The following DOK7 variants were observed in gnomAD, a reference collection of about 807,000 sequenced individuals.
DOK7 encodes the protein protein Dok-7.
In DOK7, 32 loss-of-function variants were observed where a neutral mutation model predicts 30.7. That is an observed-to-expected ratio of 1.04 (90% CI 0.79 to 1.40). The LOEUF is 1.40. Among genes scored for constraint, DOK7 ranks in the 40% most tolerant of loss-of-function variants. DOK7 has a pLI of 0.00. For missense variants in DOK7, 1,007 were observed against 699.2 expected (o/e 1.44, Z -4.97); for synonymous variants, 447 against 324.1 (o/e 1.38, Z -4.07).
At chr4:3,476,666 G>A (rs946701004) in intron 4 of DOK7, 124 bp downstream of exon 4, 23 of 1,258,768 alleles carry the variant, frequency 1.8e-5, no homozygotes, top group East Asian at 9.8e-5. Context: ...AGAATGCGCC[G>A]GCAGGTGGAC....
intron 4 of DOK7, 109 bp from the exon 5 acceptor site, chr4:3,485,430 T>G: frequency 7.4e-7 from 1 of 1,350,636 alleles, no homozygotes. Flanking sequence ...AGGCAGGGTG[T>G]CATTGTCGGC....
downstream of DOK7, among the ~76,000 whole-genome samples, chr4:3,496,430 T>C (rs1448475995): frequency 6.6e-6 from 1 of 152,376 alleles, no homozygotes; most frequent in Non-Finnish European, 1.5e-5. Context: ...CGCTCAGCTC[T>C]GAGGTCGGAG....
At position 3,493,124 on chromosome 4, in the gene DOK7, G is replaced by A. The variant is rs760412846; in HGVS notation, c.1138G>A (p.Ala380Thr). The A allele has an allele frequency of 1.9e-6, 3 of 1,592,102 alleles. No individual in the cohort carries two copies. Among genetic ancestry groups the A allele is most frequent in the Non-Finnish European group, 2.6e-6 (3 of 1,172,416 alleles). Residue 380 changes from alanine (A) to threonine (T), a missense_variant, in exon 7 of 7, where the codon GCC becomes ACC. Coordinates refer to ENST00000340083, the MANE Select transcript of DOK7 (RefSeq NM_173660.5). ...GSLLSLPAAG[A>T]PEPSLCTCLP... ...ACTGCTCAGCCTGCCAGCAGCGGGG[G>A]CCCCCGAGCCCAGCCTGTGCACCTG...
chr4:3,486,079 C>G (rs544278077), intron 5 of DOK7, among the ~76,000 whole-genome samples: 35 of 152,086 alleles, frequency 2.3e-4, no homozygotes, highest in African/African-American at 7.7e-4. Context: ...GGGGTCGGGA[C>G]TGGCTCTGCC....
At chr4:3,471,933 C>A (rs879251834) in intron 2 of DOK7, among the ~76,000 whole-genome samples, 1 of 152,282 alleles carries the variant, frequency 6.6e-6, no homozygotes, top group Admixed American at 6.5e-5. Context: ...GCCCACACCA[C>A]GCCTTGCTTT....
intron 2 of DOK7, among the ~76,000 whole-genome samples, chr4:3,471,264 G>A (rs1313410702): frequency 3.3e-5 from 5 of 152,216 alleles, no homozygotes; most frequent in Non-Finnish European, 5.9e-5. Context: ...TGGTCCTTAC[G>A]GCATTGCTGC....
intron 5 of DOK7, among the ~76,000 whole-genome samples, chr4:3,486,430 G>A (rs1255924019): frequency 6.6e-6 from 1 of 152,246 alleles, no homozygotes; most frequent in Non-Finnish European, 1.5e-5. Context: ...AAGCTCACAT[G>A]TGGCGCCTCC....
At chr4:3,500,526 C>A (rs970375253) in intron 7 of DOK7, 47 of 1,467,452 alleles carry the variant, frequency 3.2e-5, no homozygotes, top group Non-Finnish European at 4.0e-5. Context: ...AGCCTCCCCC[C>A]AGGAGGCAAA....
chr4:3,489,872 ATG>A (rs1398369008), intron 6 of DOK7, 76 bp downstream of exon 6: 2 of 1,528,830 alleles, frequency 1.3e-6, no homozygotes, highest in African/African-American at 2.8e-5. Context: ...GCATCCATGC[ATG>A]TGTGGGGGCT....
intron 2 of DOK7, among the ~76,000 whole-genome samples, chr4:3,468,796 GTC>G (rs1324484007): frequency 2.1e-5 from 3 of 139,636 alleles, no homozygotes; most frequent in South Asian, 2.2e-4. Context: ...GATCATGTAT[GTC>G]TGTGTGTGCC....
At chr4:3,485,787 C>T in intron 5 of DOK7, 129 bp downstream of exon 5, 1 of 1,315,830 alleles carries the variant, frequency 7.6e-7, no homozygotes, top group Non-Finnish European at 9.8e-7. Context: ...AGCTAAGGAA[C>T]CAGAACCTTT....
At chr4:3,467,886 T>G (rs1726401280) in intron 2 of DOK7, among the ~76,000 whole-genome samples, 1 of 152,152 alleles carries the variant, frequency 6.6e-6, no homozygotes, top group Non-Finnish European at 1.5e-5. Flanking sequence ...TTATATGGTG[T>G]AGGGGGAGGA....
intron 4 of DOK7, among the ~76,000 whole-genome samples, chr4:3,479,882 G>A (rs1031588948): frequency 1.3e-5 from 2 of 152,338 alleles, no homozygotes; most frequent in Non-Finnish European, 1.5e-5. Flanking sequence ...GGCCTGTAGT[G>A]TGGACTCCTG....
At chr4:3,479,663 C>T (rs1467101648) in intron 4 of DOK7, among the ~76,000 whole-genome samples, 2 of 152,204 alleles carry the variant, frequency 1.3e-5, no homozygotes, top group African/African-American at 4.8e-5. Flanking sequence ...GATGGCTGCG[C>T]CTCACTCATC....
At position 3,489,936 on chromosome 4, in the gene DOK7, T is replaced by C. The variant is rs1728093532; in HGVS notation, c.772+140T>C. 50 of 1,360,964 alleles carry C rather than the reference T, an allele frequency of 3.7e-5. 1 individual carries two copies. The South Asian group carries it at 7.0e-4, about 19-fold the overall frequency. 84.3% of individuals were successfully genotyped at this position (1,360,964 alleles called of 1,614,324 possible). On this transcript the variant is annotated intron_variant, in intron 6 of 6. Transcript: ENST00000340083. ...TTCCTTCTGTCTCCTGCTCATTCAT[T>C]CTTCCCCCAACTCCCCGCCCCGCCC... is the stretch of plus-strand genomic sequence containing the variant.
chr4:3,501,329 G>A (rs911444047), exon 8 of DOK7: 1 of 156,438 alleles, frequency 6.4e-6, no homozygotes, highest in African/African-American at 2.4e-5. Flanking sequence ...TCCTGAGACT[G>A]GCGGCTCAGA....
chr4:3,470,830 C>G (rs1443427230), intron 2 of DOK7, among the ~76,000 whole-genome samples: 1 of 152,234 alleles, frequency 6.6e-6, no homozygotes, highest in Non-Finnish European at 1.5e-5. Context: ...TGACCCCAGT[C>G]CTGACTGTAT....
rs747255128 is a variant in DOK7 at position 3,493,536 on chromosome 4, C to G, written c.*35C>G. The G allele has an allele frequency of 1.2e-5, 19 of 1,602,924 alleles. No individual in the cohort carries two copies. Among genetic ancestry groups the G allele is most frequent in the Non-Finnish European group, 6.8e-6 (8 of 1,175,202 alleles). On this transcript the variant is annotated 3_prime_UTR_variant, in exon 7 of 7. Transcript: ENST00000340083. ...ATCCCGCCCCGCGGCTGCAAAGGGG[C>G]TGAATTTGCCCCCAGATGGCAGAGG... is the stretch of plus-strand genomic sequence containing the variant.
intron 2 of DOK7, among the ~76,000 whole-genome samples, chr4:3,470,958 G>C (rs955740662): frequency 2.0e-5 from 3 of 152,242 alleles, no homozygotes; most frequent in East Asian, 1.9e-4. Flanking sequence ...CACCACCACA[G>C]AGCAGAGCCA....
Sources: allele counts gnomAD v4.1 joint callset (sites outside exome capture counted in the v4.1 genomes callset), GRCh38; gene constraint gnomAD v4.1.1; transcripts MANE v1.5; gene names NCBI Gene and HGNC (gene_info 2026-07-23, HGNC 2026-07-21).